DIAPH1: variants seen among roughly 807,000 people sequenced by gnomAD.
DIAPH1 encodes protein diaphanous homolog 1.
A neutral mutation model predicts 140.7 loss-of-function variants in DIAPH1; 46 were observed. The ratio of observed to expected loss-of-function variants is 0.33; its 90% confidence interval spans 0.26 to 0.42. DIAPH1 has a LOEUF of 0.42. Ranked by LOEUF, DIAPH1 falls within the 10% of genes least tolerant of loss-of-function variation. The probability of loss-of-function intolerance (pLI) is 1.00; values close to 1 mark genes in which losing one functional copy is unlikely to be tolerated. For missense variants in DIAPH1, 1,310 were observed against 1,558.7 expected (o/e 0.84, Z 2.69); for synonymous variants, 565 against 551.6 (o/e 1.02, Z -0.34).
intron 2 of DIAPH1, 108 bp downstream of exon 2, chr5:141,588,115 AG>A (rs1405338519): frequency 1.1e-6 from 1 of 889,932 alleles, no homozygotes; most frequent in Non-Finnish European, 1.9e-6. Context: ...ACTGAGTAGA[AG>A]CCATATCACC....
At chr5:141,539,438 T>TG (rs1388620566) in intron 18 of DIAPH1, among the ~76,000 whole-genome samples, 1 of 149,984 alleles carries the variant, frequency 6.7e-6, no homozygotes, top group Non-Finnish European at 1.5e-5. Flanking sequence ...TTGTTTTTTT[T>TG]TTTTGGTATT....
At chr5:141,517,123 A>G in intron 27 of DIAPH1, 115 bp from the exon 28 acceptor site, 1 of 1,170,662 alleles carries the variant, frequency 8.5e-7, no homozygotes, top group Non-Finnish European at 1.2e-6. Flanking sequence ...TGGCCACTTC[A>G]CAGAGGCCCT....
chr5:141,534,074 C>G (rs1161972067), intron 19 of DIAPH1, among the ~76,000 whole-genome samples: 1 of 148,772 alleles, frequency 6.7e-6, no homozygotes, highest in Non-Finnish European at 1.5e-5. Context: ...AATCCCAGAC[C>G]TCCTTCTTAC....
At chr5:141,596,996 A>G (rs1405862853) in intron 1 of DIAPH1, among the ~76,000 whole-genome samples, 6 of 152,230 alleles carry the variant, frequency 3.9e-5, no homozygotes, top group Non-Finnish European at 7.3e-5. Flanking sequence ...ACAGAAATGA[A>G]AACTCAATAA....
At chr5:141,555,613 AAAC>A (rs981139004) in intron 18 of DIAPH1, among the ~76,000 whole-genome samples, 4 of 152,296 alleles carry the variant, frequency 2.6e-5, no homozygotes, top group African/African-American at 9.6e-5. Context: ...CTCACCCTAA[AAAC>A]AACATCAAGG....
chr5:141,586,811 C>T (rs952821149), intron 3 of DIAPH1, among the ~76,000 whole-genome samples: 2 of 152,160 alleles, frequency 1.3e-5, no homozygotes, highest in African/African-American at 4.8e-5. Flanking sequence ...GGGCAGAAGA[C>T]CATGAACAAG....
Position 141,578,534 on chromosome 5 carries a change from C to T in DIAPH1, c.1025G>A (p.Gly342Glu). The T allele has an allele frequency of 6.2e-7, 1 of 1,613,878 alleles. No individual in the cohort carries two copies. The highest frequency in any genetic ancestry group is 8.5e-7 in the Non-Finnish European group (1 of 1,179,834). ...VHIRSELMRL[G>E]LHQVLQDLRE... ...TCTTACCTGCAACACCTGATGTAGC[C>T]CCAAACGCATCAGTTCACTTCTGAT... The change falls in exon 10 of 28, where the codon GGG becomes GAG. Residue 342 changes from glycine to glutamate, a missense_variant. Gly to Glu is a moderately conservative substitution (Grantham distance 98). Transcript: ENST00000389054.
chr5:141,555,999 C>T (rs2099892512), intron 18 of DIAPH1, among the ~76,000 whole-genome samples: 1 of 152,162 alleles, frequency 6.6e-6, no homozygotes, highest in East Asian at 1.9e-4. Context: ...CTGTGCCCTT[C>T]CCTTGGGCAA....
intron 18 of DIAPH1, chr5:141,557,601 A>G (rs1467859175): frequency 2.6e-5 from 4 of 151,918 alleles, no homozygotes; most frequent in Non-Finnish European, 4.4e-5. Context: ...ATCTGATCCT[A>G]TAATTAAGAA....
intron 14 of DIAPH1, 46 bp downstream of exon 14, chr5:141,576,184 A>C (rs1480920965): frequency 3.5e-6 from 5 of 1,434,064 alleles, no homozygotes; most frequent in Non-Finnish European, 4.9e-6. Flanking sequence ...AATAATTCTC[A>C]AAGAAAGATA....
rs1013629826 is a variant in DIAPH1, at chr5:141,615,437, G to GAAAA, written c.117+3357_117+3360dup. ...CACAGCAAGACTCGTCTCAGAAAAA[G>GAAAA]AAAAAAAAAAAAAAAAAAAAAGGGC... On this transcript the variant is annotated intron_variant, in intron 1 of 27. Coordinates refer to ENST00000389054, the MANE Select transcript of DIAPH1 (RefSeq NM_005219.5). 5.4e-3 allele frequency among the ~76,000 whole-genome samples: 248 copies of GAAAA among 46,312 alleles called. 1 individual carries two copies. Among genetic ancestry groups the GAAAA allele is most frequent in the African/African-American group, 0.019 (227 of 12,050 alleles). The allele number at this position is 46,312 out of a possible 152,430, so 30.4% of individuals were successfully genotyped here. A position where few individuals can be genotyped will look rare whatever the true frequency, so the allele number is the denominator to read the frequency against.
chr5:141,560,919 G>A (rs1390673179), intron 18 of DIAPH1: 1 of 455,486 alleles, frequency 2.2e-6, no homozygotes, highest in East Asian at 7.0e-5. Flanking sequence ...TGGAAGCCAG[G>A]AAAGGGTGGG....
At chr5:141,592,338 CAG>C (rs1001580930) in intron 1 of DIAPH1, among the ~76,000 whole-genome samples, 1 of 152,156 alleles carries the variant, frequency 6.6e-6, no homozygotes, top group African/African-American at 2.4e-5. Flanking sequence ...ACAGTATATT[CAG>C]AGTGTATTGT....
intron 3 of DIAPH1, among the ~76,000 whole-genome samples, chr5:141,586,639 A>G (rs866144447): frequency 6.6e-6 from 1 of 152,246 alleles, no homozygotes; most frequent in Non-Finnish European, 1.5e-5. Flanking sequence ...CAGGACCTTG[A>G]GCAAATGATA....
chr5:141,616,176 C>T (rs2099902651), intron 1 of DIAPH1, among the ~76,000 whole-genome samples: 3 of 152,186 alleles, frequency 2.0e-5, no homozygotes, highest in African/African-American at 7.2e-5. Context: ...GATGCCCAAC[C>T]ACTTTTAAAC....
chr5:141,538,989 T>C (rs2099889528), intron 18 of DIAPH1, among the ~76,000 whole-genome samples: 1 of 152,048 alleles, frequency 6.6e-6, no homozygotes, highest in Non-Finnish European at 1.5e-5. Context: ...TAAAATGAGA[T>C]GTGAGCCAGG....
At chr5:141,523,507 A>G (rs1164547230) in intron 27 of DIAPH1, among the ~76,000 whole-genome samples, 1 of 152,160 alleles carries the variant, frequency 6.6e-6, no homozygotes, top group Non-Finnish European at 1.5e-5. Context: ...CTCTAGCTCA[A>G]TGTAATCCAC....
At chr5:141,523,336 T>C (rs980396841) in intron 27 of DIAPH1, among the ~76,000 whole-genome samples, 17 of 152,222 alleles carry the variant, frequency 1.1e-4, no homozygotes, top group South Asian at 2.1e-4. Flanking sequence ...CTAGACACGA[T>C]AGTGCAGGTC....
intron 27 of DIAPH1, chr5:141,519,033 G>T: frequency 6.5e-7 from 1 of 1,536,806 alleles, no homozygotes; most frequent in Non-Finnish European, 8.8e-7. Context: ...GACCCTGACT[G>T]ACAGCCACAG....
Sources: gnomAD v4.1 joint callset for allele counts (sites outside exome capture counted in the v4.1 genomes callset) on GRCh38, gnomAD v4.1.1 for gene constraint, MANE v1.5 for transcripts, NCBI Gene and HGNC (gene_info 2026-07-23, HGNC 2026-07-21) for gene names.